SPON1: variants seen among roughly 807,000 people sequenced by gnomAD.
SPON1 encodes spondin 1, also known as spondin-1.
In SPON1, 52 loss-of-function variants were observed where a neutral mutation model predicts 111.7. The observed-to-expected ratio is 0.47, with a 90% CI of 0.37 to 0.59. The LOEUF (loss-of-function observed/expected upper bound fraction) is 0.59, where lower values mean the gene tolerates loss of function less well. Among genes scored for constraint, SPON1 ranks in the 20% least tolerant of loss-of-function variants. SPON1 has a pLI of 0.00. For missense variants in SPON1, 957 were observed against 1,068.5 expected (o/e 0.90, Z 1.46); for synonymous variants, 410 against 395.8 (o/e 1.04, Z -0.43).
intron 3 of SPON1, among the ~76,000 whole-genome samples, chr11:14,054,738 G>T (rs371026377): frequency 6.6e-6 from 1 of 152,152 alleles, no homozygotes; most frequent in African/African-American, 2.4e-5. Context: ...AAAGCCACAG[G>T]CTGAGTCTTG....
At chr11:14,110,305 A>G (rs1226536141) in intron 5 of SPON1, among the ~76,000 whole-genome samples, 1 of 152,162 alleles carries the variant, frequency 6.6e-6, no homozygotes, top group Non-Finnish European at 1.5e-5. Flanking sequence ...CTTCCTTTAT[A>G]AGAATTATTG....
At chr11:14,055,741 G>A (rs1313638681) in intron 3 of SPON1, among the ~76,000 whole-genome samples, 3 of 152,142 alleles carry the variant, frequency 2.0e-5, no homozygotes, top group African/African-American at 7.2e-5. Flanking sequence ...ATTATGGTTA[G>A]GGCCAAACAG....
At chr11:14,154,979 C>T (rs572018420) in intron 6 of SPON1, among the ~76,000 whole-genome samples, 13 of 152,254 alleles carry the variant, frequency 8.5e-5, no homozygotes, top group East Asian at 5.8e-4. Context: ...GACACAATGC[C>T]GCCAGTCTCT....
intron 6 of SPON1, among the ~76,000 whole-genome samples, chr11:14,225,467 A>C (rs188625081): frequency 2.6e-5 from 4 of 152,256 alleles, no homozygotes; most frequent in Admixed American, 2.0e-4. Context: ...ATGGGAGGGG[A>C]GGTTGTTGAT....
intron 6 of SPON1, among the ~76,000 whole-genome samples, chr11:14,232,323 G>A (rs932983516): frequency 4.6e-5 from 7 of 152,066 alleles, no homozygotes; most frequent in African/African-American, 2.4e-5. Flanking sequence ...GGACAAGGAT[G>A]GGTGTGTCTT....
intron 6 of SPON1, among the ~76,000 whole-genome samples, chr11:14,204,168 T>G (rs1265737427): frequency 6.6e-6 from 1 of 152,238 alleles, no homozygotes. Context: ...TTCAAATTGC[T>G]CCATGGGCTC....
At chr11:14,185,285 A>G (rs1488622236) in intron 6 of SPON1, among the ~76,000 whole-genome samples, 12 of 152,134 alleles carry the variant, frequency 7.9e-5, no homozygotes, top group Admixed American at 3.3e-4. Context: ...TTGGCTATAG[A>G]GTTTAGTTTG....
intron 15 of SPON1, 65 bp from the exon 16 acceptor site, chr11:14,265,459 T>C (rs1849253760): frequency 1.3e-6 from 2 of 1,526,170 alleles, no homozygotes; most frequent in African/African-American, 1.4e-5. Flanking sequence ...ACAGTTCTAC[T>C]AGAGTTCAGC....
chr11:14,203,600 A>T (rs1349694719), intron 6 of SPON1, among the ~76,000 whole-genome samples: 1 of 152,226 alleles, frequency 6.6e-6, no homozygotes, highest in African/African-American at 2.4e-5. Flanking sequence ...GAGCTTTTAA[A>T]GAAAACAAAT....
intron 2 of SPON1, among the ~76,000 whole-genome samples, chr11:13,999,696 C>T (rs181003167): frequency 1.4e-4 from 22 of 152,228 alleles, no homozygotes; most frequent in African/African-American, 4.1e-4. Context: ...TGTGAGCCAC[C>T]GCGCCTGGCC....
At chr11:14,219,337 GT>G (rs1848656225) in intron 6 of SPON1, among the ~76,000 whole-genome samples, 1 of 152,178 alleles carries the variant, frequency 6.6e-6, no homozygotes, top group Admixed American at 6.5e-5. Flanking sequence ...TAAGGAAAAA[GT>G]TATCCTAGTT....
intron 2 of SPON1, among the ~76,000 whole-genome samples, chr11:13,994,823 C>T (rs1346274671): frequency 6.6e-6 from 1 of 152,172 alleles, no homozygotes; most frequent in Non-Finnish European, 1.5e-5. Flanking sequence ...TAGGATGTAT[C>T]ATAGGAGCAT....
intron 1 of SPON1, among the ~76,000 whole-genome samples, chr11:13,963,441 G>A (rs1319853179): frequency 6.6e-6 from 1 of 152,226 alleles, no homozygotes; most frequent in Non-Finnish European, 1.5e-5. Context: ...CTGACTGCAA[G>A]GGAGGCTCGC....
At chr11:14,148,959 A>T (rs1429585761) in intron 6 of SPON1, among the ~76,000 whole-genome samples, 1 of 152,252 alleles carries the variant, frequency 6.6e-6, no homozygotes, top group East Asian at 1.9e-4. Context: ...ATTTCAGTCA[A>T]CGACAGACTG....
chr11:14,150,648 T>C (rs1269659267), intron 6 of SPON1, among the ~76,000 whole-genome samples: 2 of 152,052 alleles, frequency 1.3e-5, no homozygotes, highest in Non-Finnish European at 2.9e-5. Context: ...AAAAGACCCA[T>C]GGTGAGCGTG....
chr11:14,235,189 G>A (rs1202082177), intron 6 of SPON1, among the ~76,000 whole-genome samples: 1 of 152,164 alleles, frequency 6.6e-6, no homozygotes, highest in Non-Finnish European at 1.5e-5. Context: ...TCCATCCTAG[G>A]TCCAGGGAGT....
intron 15 of SPON1, among the ~76,000 whole-genome samples, chr11:14,264,312 A>G (rs932740158): frequency 3.3e-5 from 5 of 152,178 alleles, no homozygotes; most frequent in Non-Finnish European, 2.9e-5. Flanking sequence ...TGATTTGGGG[A>G]TGGCAAACAG....
intron 6 of SPON1, among the ~76,000 whole-genome samples, chr11:14,242,310 C>T (rs1848937321): frequency 6.6e-6 from 1 of 152,216 alleles, no homozygotes; most frequent in Non-Finnish European, 1.5e-5. Flanking sequence ...AGCCTTGTCG[C>T]TATGAGCCAG....
At chr11:14,074,412 A>C (rs539936071) in intron 3 of SPON1, among the ~76,000 whole-genome samples, 28 of 152,314 alleles carry the variant, frequency 1.8e-4, no homozygotes, top group Non-Finnish European at 4.0e-4. Context: ...ACACATGCAG[A>C]TCATGTGACT....
Sources: allele counts gnomAD v4.1 joint callset (sites outside exome capture counted in the v4.1 genomes callset), GRCh38; gene constraint gnomAD v4.1.1; transcripts MANE v1.5; gene names NCBI Gene and HGNC (gene_info 2026-07-23, HGNC 2026-07-21).